The following KCNS3 variants were observed in gnomAD, a reference collection of about 807,000 sequenced individuals.
The protein encoded by KCNS3 is delayed-rectifier potassium channel regulatory subunit KCNS3.
KCNS3 carries 13 observed loss-of-function variants against 31.0 expected under a neutral mutation model. The ratio of observed to expected loss-of-function variants is 0.42; its 90% confidence interval spans 0.27 to 0.67. The LOEUF is 0.67. Ranked by LOEUF, KCNS3 falls within the 30% of genes least tolerant of loss-of-function variation. The pLI is 0.25. For missense variants in KCNS3, 545 were observed against 622.4 expected (o/e 0.88, Z 1.32); for synonymous variants, 238 against 241.5 (o/e 0.99, Z 0.13).
At chr2:17,902,267 A>G (rs1031138119) in intron 1 of KCNS3, among the ~76,000 whole-genome samples, 1 of 152,188 alleles carries the variant, frequency 6.6e-6, no homozygotes, top group Non-Finnish European at 1.5e-5. Flanking sequence ...GTAGAATAAA[A>G]GGAAGGGTGA....
rs1674568183 is a variant in KCNS3 at position 17,878,725 on chromosome 2, C to G, written c.-333C>G. 1.3e-5 allele frequency: 2 copies of G among 151,164 alleles called. No homozygotes were observed. The highest frequency in any genetic ancestry group is 4.8e-5 in the African/African-American group (2 of 41,316). 9.4% of individuals were successfully genotyped at this position (151,164 alleles called of 1,614,324 possible). ...GCCGCCGCGGCGGCAGGCGCGGGGC[C>G]GCGCCGCGAGGCCTGATCCCTGCAG... is the stretch of plus-strand genomic sequence containing the variant. On this transcript the variant is annotated 5_prime_UTR_variant, in exon 1 of 3. Transcript: ENST00000304101.
chr2:17,930,188 G>T (rs1343652888), intron 2 of KCNS3, among the ~76,000 whole-genome samples: 1 of 152,136 alleles, frequency 6.6e-6, no homozygotes, highest in South Asian at 2.1e-4. Context: ...GGAGGAGGTG[G>T]GAGTGGAGCG....
At chr2:17,922,475 C>T (rs770954259) in intron 2 of KCNS3, among the ~76,000 whole-genome samples, 7 of 152,166 alleles carry the variant, frequency 4.6e-5, no homozygotes, top group Non-Finnish European at 8.8e-5. Flanking sequence ...ACCCAAAGTG[C>T]TGGGATGGAA....
At chr2:17,899,101 C>T (rs189956117) in intron 1 of KCNS3, among the ~76,000 whole-genome samples, 2 of 152,082 alleles carry the variant, frequency 1.3e-5, no homozygotes, top group African/African-American at 4.8e-5. Flanking sequence ...TGGAGCACAC[C>T]TGTATTCCCA....
At chr2:17,885,110 G>A (rs1159764193) in intron 1 of KCNS3, among the ~76,000 whole-genome samples, 1 of 152,166 alleles carries the variant, frequency 6.6e-6, no homozygotes, top group Non-Finnish European at 1.5e-5. Flanking sequence ...AGGATTCTAA[G>A]CATTTGCTCA....
intron 1 of KCNS3, among the ~76,000 whole-genome samples, chr2:17,881,184 G>C (rs1324950108): frequency 1.3e-5 from 2 of 152,188 alleles, no homozygotes; most frequent in African/African-American, 2.4e-5. Context: ...AGTCAGATGG[G>C]AGGCCAGTGG....
chr2:17,884,795 C>T (rs907594303), intron 1 of KCNS3, among the ~76,000 whole-genome samples: 2 of 152,140 alleles, frequency 1.3e-5, no homozygotes, highest in East Asian at 3.9e-4. Flanking sequence ...TGAATCCTAT[C>T]TCTGGCTTTA....
intron 1 of KCNS3, among the ~76,000 whole-genome samples, chr2:17,884,118 A>C (rs1321075875): frequency 3.9e-5 from 2 of 50,720 alleles, no homozygotes; most frequent in Non-Finnish European, 6.7e-5. Flanking sequence ...GGGTGGGGGG[A>C]GGGGGGAGGG....
chr2:17,895,098 G>A (rs958190841), intron 1 of KCNS3, among the ~76,000 whole-genome samples: 3 of 152,156 alleles, frequency 2.0e-5, no homozygotes, highest in Admixed American at 2.0e-4. Flanking sequence ...ATAGTTTTCA[G>A]GGACTGGATA....
chr2:17,912,932 A>G (rs939587159), intron 1 of KCNS3, among the ~76,000 whole-genome samples: 2 of 152,188 alleles, frequency 1.3e-5, no homozygotes, highest in Non-Finnish European at 2.9e-5. Context: ...TGCCATATTA[A>G]CTTAAGGTAC....
chr2:17,896,878 CTTTTTTTCA>C (rs1446451838), intron 1 of KCNS3, among the ~76,000 whole-genome samples: 1 of 152,064 alleles, frequency 6.6e-6, no homozygotes, highest in Non-Finnish European at 1.5e-5. Flanking sequence ...CCTATAGTTT[CTTTTTTTCA>C]TTTTTTCAAC....
chr2:17,931,973 ATG>A lies in KCNS3; in HGVS notation c.966_967del (p.His322GlnfsTer27). 1 of 1,614,006 alleles carries A rather than the reference ATG, an allele frequency of 6.2e-7. No individual in the cohort carries two copies. Reference sequence around the variant, plus strand: ...GGTGCCACACTGAGACACAGCTACCATGAAGTTGGGCTTCTGCTTCTCTTCCT... The same window carrying A: ...GGTGCCACACTGAGACACAGCTACCAAAGTTGGGCTTCTGCTTCTCTTCCT... On this transcript the variant is annotated frameshift_variant, in exon 3 of 3. Transcript: ENST00000304101. LOFTEE classifies it high-confidence loss of function. This position sits in a 1 kb window ranked among gnomAD's most constrained non-coding sequence, Gnocchi z 5.4.
chr2:17,896,723 C>G (rs530470179), intron 1 of KCNS3, among the ~76,000 whole-genome samples: 25 of 152,138 alleles, frequency 1.6e-4, no homozygotes, highest in African/African-American at 6.0e-4. Context: ...TCTCCCTGCC[C>G]CAGTATAGCC....
In KCNS3 at chr2:17,884,260, AAAAAAAAAATATATATAT is replaced by A. The variant is rs1422861103; in HGVS notation, c.-252+5456_-252+5473del. 2.2e-3 allele frequency among the ~76,000 whole-genome samples: 178 copies of A among 81,378 alleles called. 2 individuals carry two copies. The highest frequency in any genetic ancestry group is 5.5e-3 in the East Asian group (7 of 1,270). The allele number at this position is 81,378 out of a possible 152,430, so 53.4% of individuals were successfully genotyped here. On this transcript the variant is annotated intron_variant, in intron 1 of 2. Coordinates refer to ENST00000304101, the MANE Select transcript of KCNS3 (RefSeq NM_002252.5). The stretch of plus-strand genomic sequence containing the variant: ...CCCTAGAACTTAAAGTATAATTAAA[AAAAAAAAAATATATATAT>A]ATATATATATATATATATATATATA...
In KCNS3 at chr2:17,931,348, G is replaced by C; in HGVS notation, c.340G>C (p.Asp114His). 1 of 1,614,138 alleles carries C rather than the reference G, an allele frequency of 6.2e-7. No homozygotes were observed. Among genetic ancestry groups the C allele is most frequent in the African/African-American group, 1.3e-5 (1 of 75,020 alleles). The change falls in exon 3 of 3, where the codon GAT becomes CAT. Residue 114 changes from aspartate to histidine, a missense_variant. By Grantham distance (81) the Asp-to-His change is moderately conservative. Transcript: ENST00000304101. The surrounding 1 kb of genome is among the most constrained non-coding windows in gnomAD (Gnocchi z 5.4). ...CTGGGGCATCAACGAGCTCTTCATT[G>C]ATTCTTGCTGCAGCAATCGCTACCA... ...EYWGINELFI[D>H]SCCSNRYQER... is the part of the protein sequence containing the mutation.
intron 1 of KCNS3, among the ~76,000 whole-genome samples, chr2:17,915,348 A>G (rs1018589606): frequency 6.6e-6 from 1 of 152,184 alleles, no homozygotes; most frequent in Non-Finnish European, 1.5e-5. Flanking sequence ...GAGAAATGGA[A>G]ACGCTGGATG....
At position 17,903,295 on chromosome 2, in the gene KCNS3, C is replaced by CT. The variant is rs1168631523; in HGVS notation, c.-251-14385_-251-14384insT. 5.3e-5 allele frequency among the ~76,000 whole-genome samples: 8 copies of CT among 152,240 alleles called. No individual in the cohort carries two copies. The South Asian group carries it at 1.7e-3, about 32-fold the overall frequency. On this transcript the variant is annotated intron_variant, in intron 1 of 2. Coordinates refer to ENST00000304101, the MANE Select transcript of KCNS3 (RefSeq NM_002252.5). ...TATGTAAGACAGACACAAATCCCTG[C>CT]ACTCAGGGAGCTCATATTGGAGTGG...
rs556791592 is a variant in KCNS3 at position 17,910,324 on chromosome 2, C to T, written c.-251-7356C>T. Among the ~76,000 whole-genome samples, 9 of 152,276 alleles carry T rather than the reference C, an allele frequency of 5.9e-5. No homozygotes were observed. The East Asian group carries it at 1.5e-3, about 26-fold the overall frequency. ...TGTGAAGTCATTGGCACTGCTAATA[C>T]ACACTACCCTGGGCCAATGCCTGCA... On this transcript the variant is annotated intron_variant, in intron 1 of 2. Coordinates refer to ENST00000304101, the MANE Select transcript of KCNS3 (RefSeq NM_002252.5).
At chr2:17,909,321 G>T (rs1197704159) in intron 1 of KCNS3, among the ~76,000 whole-genome samples, 1 of 152,186 alleles carries the variant, frequency 6.6e-6, no homozygotes, top group Non-Finnish European at 1.5e-5. Context: ...GCGGTATTAG[G>T]GTGGGAGTGA....
Sources: allele counts gnomAD v4.1 joint callset (sites outside exome capture counted in the v4.1 genomes callset), GRCh38; gene constraint gnomAD v4.1.1; non-coding constraint Gnocchi (gnomAD v3.1); transcripts MANE v1.5; gene names NCBI Gene and HGNC (gene_info 2026-07-23, HGNC 2026-07-21).